KDM4B: variants seen among roughly 807,000 people sequenced by gnomAD.
KDM4B encodes lysine-specific demethylase 4B.
KDM4B carries 32 observed loss-of-function variants against 125.2 expected under a neutral mutation model. The observed-to-expected ratio is 0.26, with a 90% CI of 0.19 to 0.34. The LOEUF is 0.34. Ranked by LOEUF, KDM4B falls within the 10% of genes least tolerant of loss-of-function variation. The pLI, the probability that KDM4B is intolerant of heterozygous loss-of-function variation, is 1.00. For synonymous variants in KDM4B, 721 were observed against 677.9 expected (o/e 1.06, Z -0.99); for missense variants, 1,190 against 1,577.7 (o/e 0.75, Z 4.16).
chr19:5,096,597 G>A (rs116620588), intron 9 of KDM4B, among the ~76,000 whole-genome samples: 71 of 152,282 alleles, frequency 4.7e-4, no homozygotes, highest in South Asian at 2.7e-3. Context: ...CATCAGTGGC[G>A]CCTGTTGCCG....
chr19:5,009,361 G>A (rs1048491196), intron 1 of KDM4B, among the ~76,000 whole-genome samples: 1 of 152,168 alleles, frequency 6.6e-6, no homozygotes, highest in African/African-American at 2.4e-5. Flanking sequence ...CAGCTTTTCA[G>A]TTCTTTCACT....
In KDM4B at chr19:5,044,651, G is replaced by A. The variant is rs1027244331; in HGVS notation, c.433-2825G>A. On this transcript the variant is annotated intron_variant, in intron 5 of 22. Coordinates refer to ENST00000159111, the MANE Select transcript of KDM4B (RefSeq NM_015015.3). Reference sequence around the variant, plus strand: ...GCAACCTTGCCTCCTGGGTTCAAGCGATTCTCCTGCCTCAGCCTCCCGAGT... The same window carrying A: ...GCAACCTTGCCTCCTGGGTTCAAGCAATTCTCCTGCCTCAGCCTCCCGAGT... 2.0e-5 allele frequency among the ~76,000 whole-genome samples: 3 copies of A among 152,186 alleles called. No individual in the cohort carries two copies. In the East Asian group the frequency reaches 5.8e-4, roughly 29 times the overall value.
At position 5,144,792 on chromosome 19, in the gene KDM4B, T is replaced by C; in HGVS notation, c.2911T>C (p.Cys971Arg). Residue 971 changes from cysteine to arginine, a missense_variant, in exon 21 of 23, where the codon TGT becomes CGT. Cys to Arg is a radical substitution (Grantham distance 180). This residue lies in a region of KDM4B where 298 missense variants were observed against 439.7 expected (regional missense o/e 0.68). Transcript: ENST00000159111. ...CCTCTTCTCCCTGCAGAGTAGGGAC[T>C]GTGTCCAGCTGGGACCCCCTTCCGA... ...LYPESITSRD[C>R]VQLGPPSEGE... 6.2e-7 allele frequency: 1 copy of C among 1,613,386 alleles called. No homozygotes were observed. The highest frequency in any genetic ancestry group is 8.5e-7 in the Non-Finnish European group (1 of 1,179,878).
Position 5,054,186 on chromosome 19 carries a change from G to A in KDM4B, c.626+6517G>A, listed in dbSNP as rs551368184. ...TGCAACCTTAACCTCCTGGGCTCAG[G>A]TGATCCTCCCCCTTCAGCCTCCTAA... On this transcript the variant is annotated intron_variant, in intron 6 of 22. Transcript: ENST00000159111. Among the ~76,000 whole-genome samples the A allele has an allele frequency of 6.6e-5, 10 of 152,312 alleles. No individual in the cohort carries two copies. In the East Asian group the frequency reaches 9.6e-4, roughly 15 times the overall value.
chr19:5,069,400 C>A (rs929912308), intron 6 of KDM4B, among the ~76,000 whole-genome samples: 1 of 151,874 alleles, frequency 6.6e-6, no homozygotes, highest in African/African-American at 2.4e-5. Flanking sequence ...ACCTCCACTT[C>A]CTGGATTCAA....
At chr19:5,045,703 G>A (rs929407587) in intron 5 of KDM4B, among the ~76,000 whole-genome samples, 3 of 152,102 alleles carry the variant, frequency 2.0e-5, no homozygotes, top group African/African-American at 7.2e-5. Context: ...TCAATCTCTT[G>A]ACTTCGTGAT....
In KDM4B at chr19:5,131,459, C is replaced by T; in HGVS notation, c.1699C>T (p.Pro567Ser). 15 of 1,598,292 alleles carry T rather than the reference C, an allele frequency of 9.4e-6. No individual in the cohort carries two copies. Among genetic ancestry groups the T allele is most frequent in the Non-Finnish European group, 1.3e-5 (15 of 1,176,366 alleles). Residue 567 changes from proline (P) to serine (S), a missense_variant, in exon 12 of 23, where the codon CCC (proline) becomes TCC (serine). By Grantham distance (74) the Pro-to-Ser change is moderately conservative. This residue lies in a region of KDM4B where 428 missense variants were observed against 405.1 expected (regional missense o/e 1.06). Coordinates refer to ENST00000159111, the MANE Select transcript of KDM4B (RefSeq NM_015015.3). ...TCCGACCTGGAAGGAACCAGTTTCC[C>T]CCATGGAGCTGACGGGGCCAGAGGA... ...KGPTWKEPVS[P>S]MELTGPEDGA...
intron 9 of KDM4B, among the ~76,000 whole-genome samples, chr19:5,107,802 G>GA (rs1277564465): frequency 6.6e-6 from 1 of 152,208 alleles, no homozygotes; most frequent in Non-Finnish European, 1.5e-5. Flanking sequence ...TGGCCCTGCT[G>GA]AGCTGCCCAG....
At chr19:5,121,924 G>A (rs1254355584) in intron 11 of KDM4B, among the ~76,000 whole-genome samples, 6 of 152,044 alleles carry the variant, frequency 3.9e-5, no homozygotes, top group African/African-American at 1.2e-4. Flanking sequence ...ATGGCAAAAG[G>A]TCTAGGAATA....
intron 1 of KDM4B, among the ~76,000 whole-genome samples, chr19:4,975,947 C>G (rs2145294707): frequency 6.7e-6 from 1 of 148,958 alleles, no homozygotes; most frequent in South Asian, 2.2e-4. Context: ...ATATTCTAGC[C>G]TTAAAAAAAA....
intron 9 of KDM4B, among the ~76,000 whole-genome samples, chr19:5,084,364 T>C (rs922732913): frequency 4.1e-5 from 6 of 144,744 alleles, no homozygotes; most frequent in African/African-American, 1.5e-4. Flanking sequence ...TTATATATTG[T>C]ATATAATTTA....
intron 21 of KDM4B, among the ~76,000 whole-genome samples, chr19:5,146,239 C>CG (rs879280897): frequency 2.4e-3 from 363 of 151,410 alleles, no homozygotes; most frequent in Middle Eastern, 0.01. Context: ...ATCCAGGACC[C>CG]CCCCCGCTCC....
At chr19:5,039,297 T>TA (rs2036728198) in intron 3 of KDM4B, among the ~76,000 whole-genome samples, 1 of 152,054 alleles carries the variant, frequency 6.6e-6, no homozygotes, top group Admixed American at 6.6e-5. Flanking sequence ...TTAAAATTTT[T>TA]TAAAAAAATT....
intron 18 of KDM4B, among the ~76,000 whole-genome samples, chr19:5,138,654 T>C (rs1031038815): frequency 9.2e-5 from 14 of 151,398 alleles, no homozygotes; most frequent in African/African-American, 3.2e-4. Context: ...AGGCACTGTC[T>C]CAAAAAAAAA....
intron 1 of KDM4B, among the ~76,000 whole-genome samples, chr19:4,993,274 G>A (rs1373271946): frequency 6.6e-6 from 1 of 152,090 alleles, no homozygotes; most frequent in Non-Finnish European, 1.5e-5. Context: ...GCCGAGTGTG[G>A]TGGCGCATGC....
At chr19:5,003,533 G>A (rs762805862) in intron 1 of KDM4B, among the ~76,000 whole-genome samples, 5 of 151,892 alleles carry the variant, frequency 3.3e-5, no homozygotes, top group East Asian at 1.9e-4. Flanking sequence ...GCTTGGCCAG[G>A]TGCAGTGGCT....
chr19:5,039,620 G>A (rs2036739651), intron 3 of KDM4B, among the ~76,000 whole-genome samples: 1 of 152,202 alleles, frequency 6.6e-6, no homozygotes, highest in Admixed American at 6.5e-5. Context: ...CAGGCCTGGA[G>A]GATGGCTCTG....
chr19:5,111,482 G>A (rs1321367065), intron 10 of KDM4B: 3 of 765,292 alleles, frequency 3.9e-6, no homozygotes, highest in East Asian at 2.4e-5. Context: ...ACCACAAGAG[G>A]CCATGGGGAC....
chr19:4,982,517 CT>C lies in KDM4B; in HGVS notation c.-109+13294del, dbSNP rs201308682. ...ATGTATATGTAAAATGTTGTATTTC[CT>C]TTTTTTAAAAAAATTTAAAATTATT... On this transcript the variant is annotated intron_variant, in intron 1 of 22. Coordinates refer to ENST00000159111, the MANE Select transcript of KDM4B (RefSeq NM_015015.3). 4.5e-3 allele frequency among the ~76,000 whole-genome samples: 673 copies of C among 150,716 alleles called. 26 individuals carry two copies. In the South Asian group the frequency reaches 0.066, roughly 15 times the overall value.
Sources: allele counts gnomAD v4.1 joint callset (sites outside exome capture counted in the v4.1 genomes callset), GRCh38; gene constraint gnomAD v4.1.1; regional missense constraint gnomAD v4.1.1; transcripts MANE v1.5; gene names NCBI Gene and HGNC (gene_info 2026-07-23, HGNC 2026-07-21).